GNG2: variants seen among roughly 807,000 people sequenced by gnomAD.
GNG2 encodes guanine nucleotide-binding protein G(I)/G(S)/G(O) subunit gamma-2.
A neutral mutation model predicts 5.5 loss-of-function variants in GNG2; 5 were observed. The ratio of observed to expected loss-of-function variants is 0.91; its 90% CI spans 0.48 to 1.92. The LOEUF (loss-of-function observed/expected upper bound fraction) is 1.92, where lower values mean the gene tolerates loss of function less well. Among genes scored for constraint, GNG2 ranks in the 30% most tolerant of loss-of-function variants. The pLI is 0.01. For missense variants in GNG2, 55 were observed against 88.4 expected (o/e 0.62, Z 1.52); for synonymous variants, 28 against 32.0 (o/e 0.88, Z 0.42).
intron 2 of GNG2, among the ~76,000 whole-genome samples, chr14:51,884,923 C>T (rs908755175): frequency 9.2e-5 from 14 of 152,224 alleles, no homozygotes; most frequent in Admixed American, 3.3e-4. Context: ...TTTTCCAACT[C>T]GAGTTGAGAG....
chr14:51,964,118 C>T lies in GNG2; in HGVS notation c.88-2441C>T, dbSNP rs535248463. Among the ~76,000 whole-genome samples the T allele has an allele frequency of 3.3e-5, 5 of 152,236 alleles. No homozygotes were observed. The East Asian group carries it at 7.7e-4, about 24-fold the overall frequency. ...CAGAGAGGAGAATGCCACATAAAGA[C>T]ACAGACACTCAGGAGAGAATTCCAT... On this transcript the variant is annotated intron_variant, in intron 3 of 3. Coordinates refer to ENST00000556766, the MANE Select transcript of GNG2 (RefSeq NM_053064.5).
At chr14:51,934,756 C>G (rs1887872046) in intron 2 of GNG2, among the ~76,000 whole-genome samples, 1 of 152,080 alleles carries the variant, frequency 6.6e-6, no homozygotes, top group South Asian at 2.1e-4. Flanking sequence ...TACTTCCATG[C>G]CCCTCTGTCT....
Position 51,950,759 on chromosome 14 carries a change from G to C in GNG2, c.81G>C (p.Arg27Ser), listed in dbSNP as rs1372857450. 1 of 1,599,466 alleles carries C rather than the reference G, an allele frequency of 6.3e-7. No individual in the cohort carries two copies. The highest frequency in any genetic ancestry group is 2.3e-5 in the East Asian group (1 of 44,266). ...TTAAGATGGAAGCCAATATCGACAG[G>C]ATAAAGGTGAGGATGGTCTAACCCC... The part of the protein sequence containing the change: ...EQLKMEANID[R>S]IKVSKAAADL... The change falls in exon 3 of 4, where the codon AGG becomes AGC. Residue 27 changes from arginine to serine, a missense_variant. By Grantham distance (110) the Arg-to-Ser change is moderately radical. Coordinates refer to ENST00000556766, the MANE Select transcript of GNG2 (RefSeq NM_053064.5).
At chr14:51,901,552 C>T (rs1885558023) in intron 2 of GNG2, among the ~76,000 whole-genome samples, 1 of 152,070 alleles carries the variant, frequency 6.6e-6, no homozygotes, top group Non-Finnish European at 1.5e-5. Flanking sequence ...CATCAGTGAC[C>T]ATGGCGGGGT....
chr14:51,966,962 G>GCCCCCCCCCCCCCCCC lies in GNG2; in HGVS notation c.*285_*286insCCCCCCCCCCCCCCCC, dbSNP rs58532727. The GCCCCCCCCCCCCCCCC allele has an allele frequency of 9.4e-6, 1 of 106,128 alleles. No homozygotes were observed. The highest frequency in any genetic ancestry group is 1.8e-5 in the Non-Finnish European group (1 of 54,570). 6.6% of individuals were successfully genotyped at this position (106,128 alleles called of 1,614,324 possible). ...GTCACTTCTTTTCTGCTATCCCCCA[G>GCCCCCCCCCCCCCCCC]CCCCCCCCCCAAAATCCTCATGTTT... On this transcript the variant is annotated 3_prime_UTR_variant, in exon 4 of 4. Coordinates refer to ENST00000556766, the MANE Select transcript of GNG2 (RefSeq NM_053064.5).
intron 2 of GNG2, among the ~76,000 whole-genome samples, chr14:51,835,189 C>T (rs1193135434): frequency 2.6e-5 from 4 of 152,254 alleles, no homozygotes; most frequent in Non-Finnish European, 5.9e-5. Flanking sequence ...AGCTGAGAGT[C>T]AACAATTACT....
At position 51,957,544 on chromosome 14, in the gene GNG2, C is replaced by G. The variant is rs578161847; in HGVS notation, c.87+6779C>G. Among the ~76,000 whole-genome samples, 8 of 152,308 alleles carry G rather than the reference C, an allele frequency of 5.3e-5. No homozygotes were observed. In the East Asian group the frequency reaches 1.5e-3, roughly 29 times the overall value. ...AATAAGTTGTCAAAAGATGTCCTGT[C>G]ACCTCTGAATACTGTAATGTGTGTT... On this transcript the variant is annotated intron_variant, in intron 3 of 3. Coordinates refer to ENST00000556766, the MANE Select transcript of GNG2 (RefSeq NM_053064.5).
chr14:51,875,947 C>CTTTTTTTTTTTTTTTTTTTTT lies in GNG2; in HGVS notation c.-70-1664_-70-1663insTTTTTTTTTTTTTTTTTTTTT, dbSNP rs10529707. 3.5e-5 allele frequency among the ~76,000 whole-genome samples: 5 copies of CTTTTTTTTTTTTTTTTTTTTT among 141,124 alleles called. 1 individual carries two copies. The highest frequency in any genetic ancestry group is 4.5e-5 in the Non-Finnish European group (3 of 65,954). 92.6% of individuals were successfully genotyped at this position (141,124 alleles called of 152,430 possible). A position where few individuals can be genotyped will look rare whatever the true frequency, so the allele number is the denominator to read the frequency against. On this transcript the variant is annotated intron_variant, in intron 1 of 3. Coordinates refer to ENST00000556766, the MANE Select transcript of GNG2 (RefSeq NM_053064.5). ...TTTTTCATCATTTAAACATTTTTTT[C>CTTTTTTTTTTTTTTTTTTTTT]TTTTTTCCGAGACAGACTCTCACTC...
intron 2 of GNG2, among the ~76,000 whole-genome samples, chr14:51,895,575 A>G (rs1187243657): frequency 2.0e-5 from 3 of 152,236 alleles, no homozygotes; most frequent in Admixed American, 1.3e-4. Flanking sequence ...GATGTAGCTG[A>G]AATTAAGACC....
At chr14:51,921,864 G>A (rs1191809949) in intron 2 of GNG2, among the ~76,000 whole-genome samples, 1 of 152,146 alleles carries the variant, frequency 6.6e-6, no homozygotes, top group Non-Finnish European at 1.5e-5. Context: ...AGCTGACTTA[G>A]TGTATCACAG....
chr14:51,926,150 C>T (rs979982074), intron 2 of GNG2, among the ~76,000 whole-genome samples: 1 of 151,366 alleles, frequency 6.6e-6, no homozygotes, highest in African/African-American at 2.4e-5. Flanking sequence ...TTTAAAGAAA[C>T]AGTATTTAAT....
At chr14:51,882,042 A>C (rs1009378693) in intron 2 of GNG2, among the ~76,000 whole-genome samples, 2 of 152,160 alleles carry the variant, frequency 1.3e-5, no homozygotes, top group Non-Finnish European at 1.5e-5. Flanking sequence ...AAACACATCA[A>C]GTTCTTATGC....
At chr14:51,867,314 A>T (rs987915934) in intron 1 of GNG2, among the ~76,000 whole-genome samples, 1 of 152,142 alleles carries the variant, frequency 6.6e-6, no homozygotes, top group African/African-American at 2.4e-5. Context: ...CTCAGCTTGT[A>T]CAGCAAGCTG....
Position 51,928,873 on chromosome 14 carries a change from G to A in GNG2, c.-29-21777G>A, listed in dbSNP as rs553818247. Among the ~76,000 whole-genome samples the A allele has an allele frequency of 3.9e-5, 6 of 152,274 alleles. No homozygotes were observed. The South Asian group carries it at 6.2e-4, about 16-fold the overall frequency. ...CAGGCGTGAGCCACCGCGCCTGGCCGGGTGTTTGCCATTTTCTAGCCTCCA... is the reference window on the plus strand; with the variant it reads ...CAGGCGTGAGCCACCGCGCCTGGCCAGGTGTTTGCCATTTTCTAGCCTCCA... On this transcript the variant is annotated intron_variant, in intron 2 of 3. Transcript: ENST00000556766.
chr14:51,931,702 TG>T (rs1251915798), intron 2 of GNG2, among the ~76,000 whole-genome samples: 4 of 152,042 alleles, frequency 2.6e-5, no homozygotes, highest in African/African-American at 9.7e-5. Context: ...TACCAAGTAT[TG>T]GTGAGGATGT....
chr14:51,885,554 G>A (rs1884390880), intron 2 of GNG2, among the ~76,000 whole-genome samples: 1 of 151,608 alleles, frequency 6.6e-6, no homozygotes, highest in African/African-American at 2.4e-5. Context: ...GATTTATTCA[G>A]TGGGTTTCTG....
intron 2 of GNG2, among the ~76,000 whole-genome samples, chr14:51,846,633 G>A (rs746195773): frequency 9.2e-5 from 14 of 152,136 alleles, no homozygotes; most frequent in Non-Finnish European, 1.5e-4. Context: ...GAATATTTCA[G>A]GTTTCCTTGG....
chr14:51,924,818 C>G (rs1333667388), intron 2 of GNG2, among the ~76,000 whole-genome samples: 1 of 152,188 alleles, frequency 6.6e-6, no homozygotes, highest in African/African-American at 2.4e-5. Flanking sequence ...ACATCCTGTC[C>G]TCGTGCACGT....
chr14:51,914,843 A>ATAAGTGAG (rs1188564673), intron 2 of GNG2, among the ~76,000 whole-genome samples: 1 of 152,200 alleles, frequency 6.6e-6, no homozygotes, highest in Non-Finnish European at 1.5e-5. Context: ...TCACTTACGC[A>ATAAGTGAG]TAACTTTGGA....
Sources: gnomAD v4.1 joint callset for allele counts (sites outside exome capture counted in the v4.1 genomes callset) on GRCh38, gnomAD v4.1.1 for gene constraint, MANE v1.5 for transcripts, NCBI Gene and HGNC (gene_info 2026-07-23, HGNC 2026-07-21) for gene names.